The following SLC25A12 variants were observed in gnomAD, a reference collection of about 807,000 sequenced individuals.
SLC25A12 encodes electrogenic aspartate/glutamate antiporter SLC25A12, mitochondrial.
Under a neutral mutation model 83.3 loss-of-function variants are expected in SLC25A12, and 32 were observed. The observed-to-expected ratio is 0.38, with a 90% CI of 0.29 to 0.52. The LOEUF is 0.52. SLC25A12 is among the 20% of genes least tolerant of loss of function. SLC25A12 has a pLI of 0.84. For missense variants in SLC25A12, 611 were observed against 835.6 expected (o/e 0.73, Z 3.31); for synonymous variants, 267 against 291.1 (o/e 0.92, Z 0.84).
At chr2:171,860,904 A>C (rs1685143633) in intron 3 of SLC25A12, among the ~76,000 whole-genome samples, 1 of 152,068 alleles carries the variant, frequency 6.6e-6, no homozygotes, top group South Asian at 2.1e-4. Flanking sequence ...CAACATAGAA[A>C]GACCCTATCT....
intron 14 of SLC25A12, 101 bp from the exon 15 acceptor site, chr2:171,791,690 C>A: frequency 2.7e-6 from 3 of 1,126,994 alleles, no homozygotes; most frequent in East Asian, 2.4e-5. Context: ...TTGAGGTGTC[C>A]CTCAGTGACA....
intron 2 of SLC25A12, among the ~76,000 whole-genome samples, chr2:171,870,129 G>A (rs1287718233): frequency 6.6e-6 from 1 of 152,020 alleles, no homozygotes; most frequent in Admixed American, 6.6e-5. Flanking sequence ...CTTATAGTAG[G>A]CACTCAGTAA....
chr2:171,873,445 C>T (rs946589580), intron 2 of SLC25A12, among the ~76,000 whole-genome samples: 1 of 151,976 alleles, frequency 6.6e-6, no homozygotes, highest in South Asian at 2.1e-4. Flanking sequence ...AAGACTCCAT[C>T]TCAAAAAAAT....
intron 6 of SLC25A12, among the ~76,000 whole-genome samples, chr2:171,835,680 T>C (rs1047722609): frequency 3.3e-5 from 5 of 152,232 alleles, no homozygotes; most frequent in Admixed American, 2.0e-4. Context: ...ATTGAAAACA[T>C]TCTCCTTTAA....
intron 17 of SLC25A12, among the ~76,000 whole-genome samples, chr2:171,785,901 C>T (rs1241839102): frequency 6.6e-6 from 1 of 152,084 alleles, no homozygotes; most frequent in Non-Finnish European, 1.5e-5. Context: ...TCCCAGAGCA[C>T]TGGGAGGTGT....
chr2:171,826,530 AC>A (rs1479875590), intron 9 of SLC25A12, among the ~76,000 whole-genome samples: 3 of 152,126 alleles, frequency 2.0e-5, no homozygotes, highest in Non-Finnish European at 4.4e-5. Context: ...AATCTCTTGA[AC>A]CCAGAAGGCA....
In SLC25A12 at chr2:171,863,529, CAA is replaced by C. The variant is rs56272846; in HGVS notation, c.209+5150_209+5151del. On this transcript the variant is annotated intron_variant, in intron 3 of 17. Transcript: ENST00000422440. ...TGTCAGAGTGAGACTCCGTCTCCGA[CAA>C]AAAAAAAAAAAAAGAAAAGAAAATG... is the stretch of plus-strand genomic sequence containing the variant. Among the ~76,000 whole-genome samples, 178 of 128,332 alleles carry C rather than the reference CAA, an allele frequency of 1.4e-3. 1 individual carries two copies. Among genetic ancestry groups the C allele is most frequent in the East Asian group, 7.5e-3 (34 of 4,534 alleles). 84.2% of individuals were successfully genotyped at this position (128,332 alleles called of 152,430 possible). A position where few individuals can be genotyped will look rare whatever the true frequency, so the allele number is the denominator to read the frequency against.
At chr2:171,846,406 T>G (rs1412964009) in intron 4 of SLC25A12, among the ~76,000 whole-genome samples, 1 of 152,086 alleles carries the variant, frequency 6.6e-6, no homozygotes, top group African/African-American at 2.4e-5. Context: ...AGAATGAAAT[T>G]GAATCCCTTT....
At chr2:171,850,653 C>T (rs1684909003) in intron 4 of SLC25A12, among the ~76,000 whole-genome samples, 2 of 151,884 alleles carry the variant, frequency 1.3e-5, no homozygotes, top group South Asian at 4.2e-4. Flanking sequence ...GCATGAGCCA[C>T]TGCACCCGGC....
At position 171,803,810 on chromosome 2, in the gene SLC25A12, T is replaced by TACACAC. The variant is rs57628850; in HGVS notation, c.1305+5790_1305+5795dup. ...GAGACGCTACCATTATTTAAAAAAA[T>TACACAC]ACACACACACACACACACACACGCG... On this transcript the variant is annotated intron_variant, in intron 13 of 17. Coordinates refer to ENST00000422440, the MANE Select transcript of SLC25A12 (RefSeq NM_003705.5). 2.5e-3 allele frequency among the ~76,000 whole-genome samples: 378 copies of TACACAC among 148,502 alleles called. 3 individuals carry two copies. The highest frequency in any genetic ancestry group is 0.018 in the East Asian group (89 of 5,058).
At chr2:171,832,384 A>C (rs916169886) in intron 8 of SLC25A12, among the ~76,000 whole-genome samples, 3 of 152,132 alleles carry the variant, frequency 2.0e-5, no homozygotes, top group Non-Finnish European at 4.4e-5. Context: ...GACCTTAATC[A>C]CTTGGGAAAA....
chr2:171,825,796 AGAAGTG>A (rs1198188089), intron 9 of SLC25A12, among the ~76,000 whole-genome samples: 3 of 152,200 alleles, frequency 2.0e-5, no homozygotes, highest in South Asian at 2.1e-4. Flanking sequence ...TAAGTGCTAT[AGAAGTG>A]GAAGTTTCAA....
At chr2:171,844,234 G>C (rs944588496) in intron 5 of SLC25A12, 135 bp downstream of exon 5, 5 of 850,282 alleles carry the variant, frequency 5.9e-6, no homozygotes. Flanking sequence ...AGTTGTCTCT[G>C]GCGAGGGGGA....
At chr2:171,788,736 C>T (rs1047276460) in intron 15 of SLC25A12, 1 of 152,350 alleles carries the variant, frequency 6.6e-6, no homozygotes, top group Non-Finnish European at 1.5e-5. Flanking sequence ...ATCACTGTAT[C>T]CTCACTAGGC....
rs1021806316 is a variant in SLC25A12, at chr2:171,825,344, T to C, written c.930+1454A>G. Among the ~76,000 whole-genome samples, 2 of 152,180 alleles carry C rather than the reference T, an allele frequency of 1.3e-5. 1 individual carries two copies. The highest frequency in any genetic ancestry group is 1.3e-4 in the Admixed American group (2 of 15,286). On this transcript the variant is annotated intron_variant, in intron 9 of 17. Coordinates refer to ENST00000422440, the MANE Select transcript of SLC25A12 (RefSeq NM_003705.5). The stretch of plus-strand genomic sequence containing the variant: ...GTAAAGTAGAACTGTAAATTCTAAT[T>C]AGTTTCACAGGCAGAATCATCATTC...
chr2:171,819,223 TTA>T (rs1396182281), intron 9 of SLC25A12, among the ~76,000 whole-genome samples: 3 of 133,224 alleles, frequency 2.3e-5, no homozygotes, highest in Admixed American at 8.4e-5. Context: ...ATAATACATA[TTA>T]TATATGTATA....
chr2:171,864,158 T>C (rs917758627), intron 3 of SLC25A12, among the ~76,000 whole-genome samples: 2 of 152,316 alleles, frequency 1.3e-5, no homozygotes, highest in South Asian at 4.1e-4. Flanking sequence ...TTTACATCTG[T>C]GGTAATGGAA....
At chr2:171,812,693 G>A (rs1683971339) in intron 11 of SLC25A12, among the ~76,000 whole-genome samples, 1 of 152,062 alleles carries the variant, frequency 6.6e-6, no homozygotes, top group African/African-American at 2.4e-5. Context: ...AGTCTAGAGT[G>A]GCTGCTAACA....
chr2:171,846,778 C>T (rs1369875404), intron 4 of SLC25A12, among the ~76,000 whole-genome samples: 1 of 152,104 alleles, frequency 6.6e-6, no homozygotes, highest in Non-Finnish European at 1.5e-5. Context: ...TGCACTCCAG[C>T]CTGGGTGACA....
Sources: gnomAD v4.1 joint callset for allele counts (sites outside exome capture counted in the v4.1 genomes callset) on GRCh38, gnomAD v4.1.1 for gene constraint, MANE v1.5 for transcripts, NCBI Gene and HGNC (gene_info 2026-07-23, HGNC 2026-07-21) for gene names.